MFSD11: variants seen among roughly 807,000 people sequenced by gnomAD.
MFSD11 encodes major facilitator superfamily domain containing 11.
A neutral mutation model predicts 53.5 loss-of-function variants in MFSD11; 36 were observed. The ratio of observed to expected loss-of-function variants is 0.67; its 90% CI spans 0.52 to 0.89. The LOEUF is 0.89. Among genes scored for constraint, MFSD11 ranks in the 40% least tolerant of loss-of-function variants. The pLI, the probability that MFSD11 is intolerant of heterozygous loss-of-function variation, is 0.00. For missense variants in MFSD11, 530 were observed against 543.9 expected, an observed-to-expected ratio of 0.97 and a Z score of 0.25; for synonymous variants, 186 against 184.9, an observed-to-expected ratio of 1.01 and a Z score of -0.05.
the MFSD11 span, among the ~76,000 whole-genome samples, chr17:76,795,065 G>A: frequency 6.6e-6 from 1 of 151,974 alleles, no homozygotes; most frequent in Non-Finnish European, 1.5e-5. Context: ...ACCATGGATC[G>A]AAAATATGGG....
intron 7 of MFSD11, among the ~76,000 whole-genome samples, chr17:76,749,851 C>A (rs2078895712): frequency 6.8e-6 from 1 of 146,346 alleles, no homozygotes; most frequent in African/African-American, 2.5e-5. Flanking sequence ...GATTGCACCG[C>A]AGCACTCCAG....
chr17:76,764,279 T>C (rs1408518623), intron 8 of MFSD11, among the ~76,000 whole-genome samples: 3 of 152,166 alleles, frequency 2.0e-5, no homozygotes, highest in African/African-American at 7.2e-5. Flanking sequence ...TAAGATCTAC[T>C]TTCCAACCAA....
rs901679938 is a variant in MFSD11 at position 76,741,084 on chromosome 17, A to G, written c.260+20A>G. ...TTACAGGTAAGTAGTGTAATCTTGC[A>G]CTTATTTAATCAGAACACTTGTCAG... On this transcript the variant is annotated intron_variant, in intron 3 of 12. Coordinates refer to ENST00000685175, the MANE Select transcript of MFSD11 (RefSeq NM_001242532.5). The G allele has an allele frequency of 2.9e-6, 4 of 1,371,302 alleles. No homozygotes were observed. Among genetic ancestry groups the G allele is most frequent in the African/African-American group, 1.4e-5 (1 of 69,798 alleles). 84.9% of individuals were successfully genotyped at this position (1,371,302 alleles called of 1,614,324 possible).
chr17:76,793,321 G>C, the MFSD11 span, among the ~76,000 whole-genome samples: 6 of 151,498 alleles, frequency 4.0e-5, no homozygotes, highest in Admixed American at 3.9e-4. Flanking sequence ...CCTCAGGGCC[G>C]CATTCTCTTT....
chr17:76,761,507 C>T (rs1204578155), intron 8 of MFSD11, among the ~76,000 whole-genome samples: 8 of 151,968 alleles, frequency 5.3e-5, no homozygotes, highest in East Asian at 1.9e-4. Flanking sequence ...CTGTATATTA[C>T]GTGAAAACAA....
chr17:76,754,094 A>G lies in MFSD11; in HGVS notation c.682+7A>G. 6.2e-7 allele frequency: 1 copy of G among 1,610,076 alleles called. No homozygotes were observed. Among genetic ancestry groups the G allele is most frequent in the Non-Finnish European group, 8.5e-7 (1 of 1,177,078 alleles). ...AAGGCAGTAGATGCTTTTAGTAAGT[A>G]TTTTCTGTATCTGAAATGCAAGAAC... On this transcript the variant is annotated splice_region_variant and intron_variant, in intron 8 of 12. Transcript: ENST00000685175.
downstream of MFSD11, chr17:76,781,264 C>T (rs1001164496): frequency 1.3e-5 from 2 of 152,224 alleles, no homozygotes; most frequent in African/African-American, 4.8e-5. Context: ...TAAAGATCGC[C>T]CTCTGCCCTT....
chr17:76,740,010 CA>C (rs757455563), intron 2 of MFSD11, among the ~76,000 whole-genome samples: 718 of 130,198 alleles, frequency 5.5e-3, no homozygotes, highest in Middle Eastern at 0.016. Flanking sequence ...ACTAAAAATA[CA>C]AAAAAAAAAA....
intron 7 of MFSD11, chr17:76,747,925 A>G (rs1046831901): frequency 6.6e-6 from 1 of 152,196 alleles, no homozygotes; most frequent in Admixed American, 6.5e-5. Context: ...TCTTTGTTCT[A>G]CAAATAGCAC....
Position 76,738,318 on chromosome 17 carries a change from C to A in MFSD11, c.-35C>A. On this transcript the variant is annotated 5_prime_UTR_variant, in exon 1 of 13. Coordinates refer to ENST00000685175, the MANE Select transcript of MFSD11 (RefSeq NM_001242532.5). ...GCTTCGCCCCGAGGAGAGCTGACTG[C>A]CCTGGGCTGCTGCCTCCGGCAGAGC... The A allele has an allele frequency of 6.8e-7, 1 of 1,466,358 alleles. No homozygotes were observed. Among genetic ancestry groups the A allele is most frequent in the Non-Finnish European group, 9.6e-7 (1 of 1,046,302 alleles). The allele number at this position is 1,466,358 out of a possible 1,614,324, so 90.8% of individuals were successfully genotyped here. A position where few individuals can be genotyped will look rare whatever the true frequency, so the allele number is the denominator to read the frequency against.
intron 11 of MFSD11, 132 bp downstream of exon 11, chr17:76,775,303 A>G: frequency 1.4e-6 from 1 of 713,232 alleles, no homozygotes. Context: ...TCAAGTGTTC[A>G]TGGAGTCAGA....
At chr17:76,756,982 G>A (rs1195703196) in intron 8 of MFSD11, among the ~76,000 whole-genome samples, 2 of 152,054 alleles carry the variant, frequency 1.3e-5, no homozygotes, top group African/African-American at 4.8e-5. Context: ...ATTTCTTAGT[G>A]AGCCCTTTCA....
chr17:76,742,154 T>TA (rs1296257813), intron 4 of MFSD11, 23 bp from the exon 5 acceptor site: 1 of 1,613,934 alleles, frequency 6.2e-7, no homozygotes, highest in Non-Finnish European at 8.5e-7. Context: ...TTTCCCTTGA[T>TA]AAACTTTTGG....
rs758241425 is a variant in MFSD11 at position 76,744,488 on chromosome 17, A to T, written c.641+22A>T. 1.9e-6 allele frequency: 3 copies of T among 1,598,810 alleles called. No homozygotes were observed. The South Asian group carries it at 3.4e-5, about 18-fold the overall frequency. On this transcript the variant is annotated intron_variant, in intron 7 of 12. Transcript: ENST00000685175. ...ACGAGTAAGATGTTGGAAACATTCT[A>T]TTTTATTTTAAAATAGATTTTGAGT...
chr17:76,762,491 C>A (rs1052323388), intron 8 of MFSD11, among the ~76,000 whole-genome samples: 2 of 152,014 alleles, frequency 1.3e-5, no homozygotes, highest in African/African-American at 4.8e-5. Flanking sequence ...ACGGTGAAAC[C>A]CCGTCTCTAC....
chr17:76,772,676 C>T (rs557704508), intron 10 of MFSD11, among the ~76,000 whole-genome samples: 6 of 151,922 alleles, frequency 3.9e-5, no homozygotes, highest in Admixed American at 2.0e-4. Flanking sequence ...CGCTACCACG[C>T]CTGGCTAATT....
chr17:76,751,427 T>G (rs2144377885), intron 7 of MFSD11, among the ~76,000 whole-genome samples: 1 of 150,488 alleles, frequency 6.6e-6, no homozygotes, highest in Non-Finnish European at 1.5e-5. Flanking sequence ...GGTGTGGTGG[T>G]TCACACCTGT....
intron 2 of MFSD11, 26 bp from the exon 3 acceptor site, chr17:76,740,931 T>C: frequency 7.6e-7 from 1 of 1,323,512 alleles, no homozygotes; most frequent in Non-Finnish European, 1.1e-6. Context: ...TTTTTTTTTT[T>C]TTCCGTTTGT....
intron 8 of MFSD11, among the ~76,000 whole-genome samples, chr17:76,756,070 C>A (rs1347099820): frequency 6.7e-6 from 1 of 150,282 alleles, no homozygotes; most frequent in African/African-American, 2.4e-5. Context: ...GTGATCCACC[C>A]GCCTTGGCCT....
Sources: allele counts gnomAD v4.1 joint callset (sites outside exome capture counted in the v4.1 genomes callset), GRCh38; gene constraint gnomAD v4.1.1; transcripts MANE v1.5; gene names NCBI Gene and HGNC (gene_info 2026-07-23, HGNC 2026-07-21).